Variants in HEATR4 observed in about 807,000 individuals in gnomAD.
HEATR4 encodes HEAT repeat containing 4.
A neutral mutation model predicts 108.8 loss-of-function variants in HEATR4; 95 were observed. That is an observed-to-expected ratio of 0.87 (90% CI 0.74 to 1.04). The LOEUF is 1.04. HEATR4 is among the 50% of genes least tolerant of loss of function. HEATR4 has a pLI of 0.00. For synonymous variants in HEATR4, 443 were observed against 459.4 expected, an observed-to-expected ratio of 0.96 and a Z score of 0.46; for missense variants, 1,152 against 1,253.8, an observed-to-expected ratio of 0.92 and a Z score of 1.23.
At chr14:73,575,577 T>A in the HEATR4 span, 1 of 1,552,198 alleles carries the variant, frequency 6.4e-7, no homozygotes, top group East Asian at 2.3e-5. Context: ...CCACATTTAG[T>A]GTGTGTATGT....
At chr14:73,578,496 T>C in the HEATR4 span, among the ~76,000 whole-genome samples, 4 of 152,196 alleles carry the variant, frequency 2.6e-5, no homozygotes, top group East Asian at 1.9e-4. Flanking sequence ...ACCACACTGA[T>C]TGGATTATAG....
rs1435004326 is a variant in HEATR4, at chr14:73,554,070, C to T, written c.-152+4681G>A. On this transcript the variant is annotated intron_variant, in intron 1 of 17. Coordinates refer to ENST00000553558, the MANE Select transcript of HEATR4 (RefSeq NM_001220484.1). Reference sequence around the variant, plus strand: ...GTGGCTTACTCATGTAATCACGGCACTTCGGGAGCCCAAGGCAGGCAGATC... The same window carrying T: ...GTGGCTTACTCATGTAATCACGGCATTTCGGGAGCCCAAGGCAGGCAGATC... Among the ~76,000 whole-genome samples, 4 of 114,662 alleles carry T rather than the reference C, an allele frequency of 3.5e-5. 1 individual carries two copies. The highest frequency in any genetic ancestry group is 7.7e-5 in the Non-Finnish European group (4 of 52,148). 75.2% of individuals were successfully genotyped at this position (114,662 alleles called of 152,430 possible).
intron 17 of HEATR4, among the ~76,000 whole-genome samples, chr14:73,481,241 C>G (rs1406688424): frequency 6.6e-6 from 1 of 151,908 alleles, no homozygotes; most frequent in Non-Finnish European, 1.5e-5. Flanking sequence ...GAGTTTGAGA[C>G]CAGCTTGGCC....
At chr14:73,581,560 G>C in the HEATR4 span, 1 of 151,138 alleles carries the variant, frequency 6.6e-6, no homozygotes, top group East Asian at 2.0e-4. Flanking sequence ...ATCATGCATC[G>C]AGCCCTGGGC....
At chr14:73,536,517 A>T (rs1285190874) in intron 1 of HEATR4, among the ~76,000 whole-genome samples, 2 of 49,932 alleles carry the variant, frequency 4.0e-5, no homozygotes, top group African/African-American at 9.9e-5. Flanking sequence ...CTGTCTCTTT[A>T]AAAAAAAAAA....
Position 73,534,083 on chromosome 14 carries a change from A to G in HEATR4, c.-151-3839T>C, listed in dbSNP as rs1016149131. 4.6e-5 allele frequency among the ~76,000 whole-genome samples: 5 copies of G among 109,672 alleles called. 2 individuals are homozygous for G. The highest frequency in any genetic ancestry group is 1.2e-4 in the African/African-American group (4 of 33,646). The allele number at this position is 109,672 out of a possible 152,430, so 71.9% of individuals were successfully genotyped here. The stretch of plus-strand genomic sequence containing the variant: ...GGTGACAGAGCAAGACCTAGTCTCT[A>G]AAAAATAAGAGTTAAGGCCAGACAC... On this transcript the variant is annotated intron_variant, in intron 1 of 17. Coordinates refer to ENST00000553558, the MANE Select transcript of HEATR4 (RefSeq NM_001220484.1).
At position 73,523,030 on chromosome 14, in the gene HEATR4, G is replaced by A. The variant is rs1197003657; in HGVS notation, c.123C>T (p.Ala41=). 2.5e-6 allele frequency: 4 copies of A among 1,614,092 alleles called. No individual in the cohort carries two copies. Among genetic ancestry groups the A allele is most frequent in the Admixed American group, 3.3e-5 (2 of 60,006 alleles). Residue 41 remains alanine (A), a synonymous_variant, in exon 3 of 18, where the codon GCC becomes GCT. Coordinates refer to ENST00000553558, the MANE Select transcript of HEATR4 (RefSeq NM_001220484.1). ...AGACCATAGGCACACTGGAGACAGA[G>A]GCACACTCCTCCTTGCCTTTCAATT... ...YSKLKGKEEC[A]SVSSVPMVFF...
chr14:73,509,491 A>T lies in HEATR4; in HGVS notation c.1559-18T>A. ...GGTCTTGTCTGTGATCAAAAGAGCC[A>T]GGTAAGAGAGTACTAGCCCCTTTGC... On this transcript the variant is annotated intron_variant, in intron 7 of 17. Coordinates refer to ENST00000553558, the MANE Select transcript of HEATR4 (RefSeq NM_001220484.1). 2 of 1,612,968 alleles carry T rather than the reference A, an allele frequency of 1.2e-6. No homozygotes were observed. Among genetic ancestry groups the T allele is most frequent in the Non-Finnish European group, 1.7e-6 (2 of 1,179,672 alleles).
chr14:73,487,039 G>A (rs147833632), intron 17 of HEATR4, among the ~76,000 whole-genome samples: 4,169 of 137,942 alleles, frequency 0.03, 137 homozygotes, highest in East Asian at 0.17. Flanking sequence ...AGGCCAAGGC[G>A]GGCAGATCAT....
intron 9 of HEATR4, among the ~76,000 whole-genome samples, chr14:73,506,887 G>T (rs916489183): frequency 1.5e-5 from 2 of 132,690 alleles, no homozygotes; most frequent in African/African-American, 5.6e-5. Flanking sequence ...TGCAACCTCC[G>T]CCTCTCGGGT....
At chr14:73,562,490 A>T (rs1566856262), upstream of HEATR4, among the ~76,000 whole-genome samples, 1 of 152,040 alleles carries the variant, frequency 6.6e-6, no homozygotes, top group Non-Finnish European at 1.5e-5. Flanking sequence ...TTATGGAACA[A>T]GGGAAGACAA....
chr14:73,520,988 G>T lies in HEATR4; in HGVS notation c.933C>A (p.Asn311Lys). ...TTTCATGGATATCCTCAGTGCTCTT[G>T]TTGCCAGGCATGATCTCAACTGTCT... is the stretch of plus-strand genomic sequence containing the variant. ...QAETVEIMPG[N>K]KSTEDIHEKT... is the part of the protein sequence containing the mutation. The change falls in exon 4 of 18, where the codon AAC becomes AAA. Residue 311 changes from asparagine (N) to lysine (K), a missense_variant. Asn to Lys is a moderately conservative substitution (Grantham distance 94). Transcript: ENST00000553558. 6.2e-7 allele frequency: 1 copy of T among 1,613,762 alleles called. No individual in the cohort carries two copies. Among genetic ancestry groups the T allele is most frequent in the Non-Finnish European group, 8.5e-7 (1 of 1,179,992 alleles).
the HEATR4 span, among the ~76,000 whole-genome samples, chr14:73,586,316 C>T: frequency 6.6e-6 from 1 of 152,088 alleles, no homozygotes; most frequent in Non-Finnish European, 1.5e-5. Flanking sequence ...ATCACTTGAA[C>T]CCCGGAGGCA....
the HEATR4 span, among the ~76,000 whole-genome samples, chr14:73,601,015 C>T: frequency 6.6e-6 from 1 of 151,554 alleles, no homozygotes; most frequent in Non-Finnish European, 1.5e-5. Context: ...GTGGTGCGTG[C>T]CTGTAATCCC....
chr14:73,577,547 T>C, the HEATR4 span, among the ~76,000 whole-genome samples: 9,766 of 144,334 alleles, frequency 0.068, 388 homozygotes, highest in Middle Eastern at 0.098. Flanking sequence ...GTCATATTGT[T>C]TTATCTTTTC....
the HEATR4 span, among the ~76,000 whole-genome samples, chr14:73,625,484 C>A: frequency 6.6e-6 from 1 of 152,178 alleles, no homozygotes; most frequent in African/African-American, 2.4e-5. Flanking sequence ...GCCTCAGCCT[C>A]CCAAGTAGCT....
At chr14:73,623,810 G>T in the HEATR4 span, among the ~76,000 whole-genome samples, 1 of 152,088 alleles carries the variant, frequency 6.6e-6, no homozygotes, top group African/African-American at 2.4e-5. Context: ...GTTCCCCTGA[G>T]AGCTGGTTGT....
chr14:73,495,163 A>G, intron 16 of HEATR4, 65 bp downstream of exon 16: 1 of 1,460,598 alleles, frequency 6.8e-7, no homozygotes, highest in Non-Finnish European at 9.4e-7. Context: ...GTCCCAAAAC[A>G]TCCAGATCCT....
chr14:73,570,900 T>C, the HEATR4 span, among the ~76,000 whole-genome samples: 2 of 73,408 alleles, frequency 2.7e-5, no homozygotes, highest in African/African-American at 1.1e-4. Flanking sequence ...AGTGACTCTA[T>C]CTTAAAAAAA....
Sources: gnomAD v4.1 joint callset for allele counts (sites outside exome capture counted in the v4.1 genomes callset) on GRCh38, gnomAD v4.1.1 for gene constraint, MANE v1.5 for transcripts, NCBI Gene and HGNC (gene_info 2026-07-23, HGNC 2026-07-21) for gene names.